FHAD1: variants seen among roughly 807,000 people sequenced by gnomAD.
The protein encoded by FHAD1 is forkhead associated phosphopeptide binding domain 1.
FHAD1 carries 146 observed loss-of-function variants against 191.3 expected under a neutral mutation model. The observed-to-expected ratio is 0.76, with a 90% CI of 0.67 to 0.88. The LOEUF (loss-of-function observed/expected upper bound fraction) is 0.88. Among genes scored for constraint, FHAD1 ranks in the 40% least tolerant of loss-of-function variants. The pLI, the probability that FHAD1 is intolerant of heterozygous loss-of-function variation, is 0.00. For synonymous variants in FHAD1, 616 were observed against 672.3 expected, an observed-to-expected ratio of 0.92 and a Z score of 1.29; for missense variants, 1,635 against 1,785.8, an observed-to-expected ratio of 0.92 and a Z score of 1.52.
At chr1:15,322,116 A>G (rs1234085718) in intron 10 of FHAD1, among the ~76,000 whole-genome samples, 2 of 152,004 alleles carry the variant, frequency 1.3e-5, no homozygotes, top group Non-Finnish European at 2.9e-5. Context: ...GTGTGAATTC[A>G]TTTTTATTTA....
chr1:15,337,947 T>A (rs934082372), intron 14 of FHAD1, among the ~76,000 whole-genome samples: 1 of 152,120 alleles, frequency 6.6e-6, no homozygotes, highest in East Asian at 1.9e-4. Context: ...GGGGACCCAC[T>A]GGGCACATTT....
chr1:15,323,294 C>T (rs1265307915), intron 10 of FHAD1, among the ~76,000 whole-genome samples: 1 of 152,078 alleles, frequency 6.6e-6, no homozygotes, highest in Non-Finnish European at 1.5e-5. Context: ...GGGCTGGGGG[C>T]GGGGAGGCCA....
intron 3 of FHAD1, among the ~76,000 whole-genome samples, chr1:15,283,823 G>A (rs1573959971): frequency 2.0e-5 from 3 of 152,090 alleles, no homozygotes; most frequent in African/African-American, 7.2e-5. Context: ...ACCATCTTGG[G>A]GATTTTCACA....
intron 2 of FHAD1, 65 bp from the exon 3 acceptor site, chr1:15,272,258 C>G (rs531314698): frequency 1.6e-5 from 24 of 1,463,278 alleles, no homozygotes; most frequent in Non-Finnish European, 8.4e-6. Flanking sequence ...GCACTCAGCT[C>G]AAAACATTAG....
chr1:15,279,648 G>A (rs1379203470), intron 3 of FHAD1, among the ~76,000 whole-genome samples: 2 of 151,376 alleles, frequency 1.3e-5, no homozygotes, highest in Admixed American at 1.3e-4. Flanking sequence ...GGTGGCCACT[G>A]GCAACCCCAG....
intron 2 of FHAD1, among the ~76,000 whole-genome samples, chr1:15,259,678 G>C (rs1254257583): frequency 6.6e-6 from 1 of 152,198 alleles, no homozygotes; most frequent in African/African-American, 2.4e-5. Flanking sequence ...GGCGCCCTCA[G>C]TGTGGGATTG....
chr1:15,323,024 C>T (rs756209206), intron 10 of FHAD1, among the ~76,000 whole-genome samples: 90 of 152,262 alleles, frequency 5.9e-4, no homozygotes, highest in Middle Eastern at 6.8e-3. Flanking sequence ...CTGATAAACC[C>T]GTCAATTTCG....
intron 26 of FHAD1, among the ~76,000 whole-genome samples, chr1:15,372,401 C>CA (rs1415122387): frequency 6.6e-6 from 1 of 152,224 alleles, no homozygotes; most frequent in Non-Finnish European, 1.5e-5. Context: ...GAAGAACAAA[C>CA]AGATGTCTCC....
At chr1:15,387,998 T>G in intron 31 of FHAD1, 53 bp from the exon 32 acceptor site, 1 of 1,054,314 alleles carries the variant, frequency 9.5e-7, no homozygotes. Context: ...TTGGAACGGG[T>G]AAGGACACAC....
chr1:15,348,645 G>C (rs1287421948), intron 18 of FHAD1, among the ~76,000 whole-genome samples: 1 of 152,142 alleles, frequency 6.6e-6, no homozygotes. Context: ...TTATTAATGA[G>C]ACTCTTCTTT....
chr1:15,278,491 T>TTTTTTTTTTTTA (rs1659323347), intron 3 of FHAD1, among the ~76,000 whole-genome samples: 3 of 150,750 alleles, frequency 2.0e-5, no homozygotes, highest in East Asian at 3.9e-4. Flanking sequence ...TTTTTTTTTT[T>TTTTTTTTTTTTA]GAGACGGAGT....
chr1:15,379,985 A>T lies in FHAD1; in HGVS notation c.3706-716A>T, dbSNP rs528756193. On this transcript the variant is annotated intron_variant, in intron 28 of 33. Coordinates refer to ENST00000688493, the MANE Select transcript of FHAD1 (RefSeq NM_001391957.1). ...TCTTGCTTTTCCCCACACTGAAGTG[A>T]TGCTCACCCACCATCTGCATCATCT... is the stretch of plus-strand genomic sequence containing the variant. 2.6e-5 allele frequency among the ~76,000 whole-genome samples: 4 copies of T among 152,324 alleles called. No individual in the cohort carries two copies. The East Asian group carries it at 5.8e-4, about 22-fold the overall frequency.
At chr1:15,297,490 C>T (rs1339669517) in intron 5 of FHAD1, among the ~76,000 whole-genome samples, 3 of 152,352 alleles carry the variant, frequency 2.0e-5, no homozygotes, top group South Asian at 2.1e-4. Flanking sequence ...AGCAGAACCA[C>T]CTGGAGCTCT....
At chr1:15,328,033 C>CAAA (rs35961851) in intron 12 of FHAD1, 14 of 119,962 alleles carry the variant, frequency 1.2e-4, no homozygotes, top group East Asian at 5.6e-4. Flanking sequence ...AACTCCGTCG[C>CAAA]AAAAAAAAAA....
intron 10 of FHAD1, among the ~76,000 whole-genome samples, chr1:15,321,869 T>G (rs1409555703): frequency 6.6e-6 from 1 of 152,268 alleles, no homozygotes; most frequent in Non-Finnish European, 1.5e-5. Flanking sequence ...ATATTTATCC[T>G]TCATTCATGA....
intron 4 of FHAD1, among the ~76,000 whole-genome samples, chr1:15,294,336 G>A (rs1477784631): frequency 6.6e-6 from 1 of 152,198 alleles, no homozygotes; most frequent in East Asian, 1.9e-4. Context: ...CTAGGTCAGG[G>A]TTTCTCAATC....
At chr1:15,359,697 A>G (rs1437341597) in intron 21 of FHAD1, among the ~76,000 whole-genome samples, 2 of 152,052 alleles carry the variant, frequency 1.3e-5, no homozygotes, top group African/African-American at 2.4e-5. Flanking sequence ...AAAAAAAAAT[A>G]CAAAAATTAA....
At chr1:15,393,186 T>C in intron 33 of FHAD1, 4 of 151,448 alleles carry the variant, frequency 2.6e-5, no homozygotes, top group East Asian at 2.0e-4. Flanking sequence ...GCGATTCTCC[T>C]GCCTCAGCCT....
At chr1:15,396,020 T>C (rs1453001896) in intron 33 of FHAD1, among the ~76,000 whole-genome samples, 2 of 152,062 alleles carry the variant, frequency 1.3e-5, no homozygotes, top group African/African-American at 2.4e-5. Context: ...CTAAAAAATA[T>C]GTAAAGGGAC....
Sources: gnomAD v4.1 joint callset for allele counts (sites outside exome capture counted in the v4.1 genomes callset) on GRCh38, gnomAD v4.1.1 for gene constraint, MANE v1.5 for transcripts, NCBI Gene and HGNC (gene_info 2026-07-23, HGNC 2026-07-21) for gene names.